The following SLC35G2 variants were observed in gnomAD, a reference collection of about 807,000 sequenced individuals.
SLC35G2 encodes the protein solute carrier family 35 member G2, also known as transmembrane protein 22.
A neutral mutation model predicts 27.2 loss-of-function variants in SLC35G2; 20 were observed. That is an observed-to-expected ratio of 0.74 (90% CI 0.52 to 1.07). The LOEUF (loss-of-function observed/expected upper bound fraction) is 1.07, where lower values mean the gene tolerates loss of function less well. SLC35G2 is among the 50% of genes least tolerant of loss of function. The pLI is 0.00. For missense variants in SLC35G2, 416 were observed against 493.3 expected (o/e 0.84, Z 1.48); for synonymous variants, 148 against 165.3 (o/e 0.90, Z 0.80).
chr3:136,829,793 T>C (rs1424062704), intron 1 of SLC35G2, among the ~76,000 whole-genome samples: 1 of 152,128 alleles, frequency 6.6e-6, no homozygotes, highest in African/African-American at 2.4e-5. Flanking sequence ...GGCAGACATA[T>C]GGGAGCTCCA....
chr3:136,833,222 G>C (rs1936777811), intron 1 of SLC35G2, among the ~76,000 whole-genome samples: 1 of 152,126 alleles, frequency 6.6e-6, no homozygotes, highest in South Asian at 2.1e-4. Context: ...GTAGGGAATA[G>C]TAGTTCACGT....
intron 1 of SLC35G2, among the ~76,000 whole-genome samples, chr3:136,822,093 A>G (rs1936472055): frequency 6.6e-6 from 1 of 152,142 alleles, no homozygotes; most frequent in Non-Finnish European, 1.5e-5. Context: ...TTGAGCATTT[A>G]TCCTTTGTTT....
At chr3:136,844,431 G>A (rs1160133173) in intron 1 of SLC35G2, among the ~76,000 whole-genome samples, 4 of 151,436 alleles carry the variant, frequency 2.6e-5, no homozygotes, top group Admixed American at 2.0e-4. Context: ...AGAGGTTGCA[G>A]TGAGCTGAGA....
intron 1 of SLC35G2, among the ~76,000 whole-genome samples, chr3:136,853,597 C>CA (rs374318797): frequency 8.6e-5 from 13 of 152,040 alleles, no homozygotes; most frequent in African/African-American, 3.1e-4. Context: ...AAATAAATAA[C>CA]AAAAAGGTTT....
At chr3:136,823,744 C>T (rs537626691) in intron 1 of SLC35G2, among the ~76,000 whole-genome samples, 20 of 147,252 alleles carry the variant, frequency 1.4e-4, no homozygotes, top group East Asian at 4.0e-4. Flanking sequence ...TACAGGCGCG[C>T]GCCACCACAC....
At chr3:136,841,301 T>G (rs1455214874) in intron 1 of SLC35G2, among the ~76,000 whole-genome samples, 1 of 152,192 alleles carries the variant, frequency 6.6e-6, no homozygotes, top group Non-Finnish European at 1.5e-5. Flanking sequence ...TGTAACAAAC[T>G]TATCATTCCT....
chr3:136,831,929 ACT>A lies in SLC35G2; in HGVS notation c.-19+12304_-19+12305del, dbSNP rs376111907. 4.2e-4 allele frequency among the ~76,000 whole-genome samples: 63 copies of A among 151,500 alleles called. No homozygotes were observed. The East Asian group carries it at 9.1e-3, about 22-fold the overall frequency. On this transcript the variant is annotated intron_variant, in intron 1 of 1. Transcript: ENST00000446465. ...CTATTTAAAAAATTGCATGTAAATC[ACT>A]CTGCACAAATAATTATTCCTGTTAG...
chr3:136,841,300 C>T (rs866515412), intron 1 of SLC35G2, among the ~76,000 whole-genome samples: 8 of 152,168 alleles, frequency 5.3e-5, no homozygotes, highest in Non-Finnish European at 1.0e-4. Context: ...ATGTAACAAA[C>T]TTATCATTCC....
intron 1 of SLC35G2, 96 bp from the exon 2 acceptor site, chr3:136,854,347 T>C (rs1937847741): frequency 1.2e-6 from 1 of 810,004 alleles, no homozygotes; most frequent in Non-Finnish European, 1.9e-6. Flanking sequence ...TGTTACAGCC[T>C]CTACTTTCTA....
intron 1 of SLC35G2, chr3:136,842,316 G>A (rs1420073499): frequency 1.3e-5 from 2 of 152,208 alleles, no homozygotes; most frequent in African/African-American, 4.8e-5. Context: ...ACAAAGAGAT[G>A]TGAGTAATAG....
chr3:136,846,243 C>CCATA (rs1937372277), intron 1 of SLC35G2, among the ~76,000 whole-genome samples: 2 of 152,258 alleles, frequency 1.3e-5, no homozygotes, highest in South Asian at 4.1e-4. Context: ...CTTTTCTCAG[C>CCATA]CATAGGAATG....
chr3:136,823,285 C>T (rs888587548), intron 1 of SLC35G2, among the ~76,000 whole-genome samples: 1 of 152,052 alleles, frequency 6.6e-6, no homozygotes, highest in Non-Finnish European at 1.5e-5. Context: ...AGTTATTTGC[C>T]ATTCCTTATG....
rs540684643 is a variant in SLC35G2 at position 136,844,677 on chromosome 3, G to A, written c.-18-9766G>A. On this transcript the variant is annotated intron_variant, in intron 1 of 1. Coordinates refer to ENST00000446465, the MANE Select transcript of SLC35G2 (RefSeq NM_025246.3). Reference sequence around the variant, plus strand: ...TAGCTGGGCATGGTGGCTAACACCTGTAGTCCCAGCTACTCGTGAGGCTGA... The same window carrying A: ...TAGCTGGGCATGGTGGCTAACACCTATAGTCCCAGCTACTCGTGAGGCTGA... 2.0e-5 allele frequency among the ~76,000 whole-genome samples: 3 copies of A among 150,664 alleles called. No homozygotes were observed. In the East Asian group the frequency reaches 5.9e-4, roughly 30 times the overall value.
intron 1 of SLC35G2, among the ~76,000 whole-genome samples, chr3:136,844,483 C>T (rs1265454548): frequency 4.0e-5 from 5 of 125,238 alleles, no homozygotes; most frequent in East Asian, 2.3e-4. Context: ...AGCGAGACTC[C>T]GTCTCAAAAA....
rs547959331 is a variant in SLC35G2 at position 136,822,819 on chromosome 3, C to T, written c.-19+3191C>T. 4.6e-5 allele frequency among the ~76,000 whole-genome samples: 7 copies of T among 152,332 alleles called. No individual in the cohort carries two copies. In the East Asian group the frequency reaches 1.3e-3, roughly 29 times the overall value. ...TTGTATGTAAATATCTGTTGATGGA[C>T]ACTTACGTTGCTTCCAGATCTTGGC... On this transcript the variant is annotated intron_variant, in intron 1 of 1. Transcript: ENST00000446465.
chr3:136,839,713 A>G (rs963000136), intron 1 of SLC35G2, among the ~76,000 whole-genome samples: 3 of 152,160 alleles, frequency 2.0e-5, no homozygotes, highest in African/African-American at 7.2e-5. Flanking sequence ...TTTCCCTCCC[A>G]GAGCCAGCTG....
At chr3:136,827,426 CTGGTCT>C (rs1253900760) in intron 1 of SLC35G2, among the ~76,000 whole-genome samples, 1 of 152,134 alleles carries the variant, frequency 6.6e-6, no homozygotes, top group African/African-American at 2.4e-5. Context: ...GTTGCCAAGG[CTGGTCT>C]CAAATTACTG....
intron 1 of SLC35G2, among the ~76,000 whole-genome samples, chr3:136,824,221 T>A (rs949755155): frequency 6.6e-6 from 1 of 152,208 alleles, no homozygotes; most frequent in South Asian, 2.1e-4. Flanking sequence ...TGTGGTTCCA[T>A]ATAAATTTTA....
rs1310068469 is a variant in SLC35G2 at position 136,855,715 on chromosome 3, T to C, written c.*16T>C. 6.5e-7 allele frequency: 1 copy of C among 1,545,086 alleles called. No individual in the cohort carries two copies. The highest frequency in any genetic ancestry group is 2.3e-5 in the East Asian group (1 of 43,242). On this transcript the variant is annotated 3_prime_UTR_variant, in exon 2 of 2. Transcript: ENST00000446465. Reference sequence around the variant, plus strand: ...CATTAAATGAATACCTGATTATTATTGTCTCATTAATGTTCAGTTATTATG... The same window carrying C: ...CATTAAATGAATACCTGATTATTATCGTCTCATTAATGTTCAGTTATTATG...
Sources: allele counts gnomAD v4.1 joint callset (sites outside exome capture counted in the v4.1 genomes callset), GRCh38; gene constraint gnomAD v4.1.1; transcripts MANE v1.5; gene names NCBI Gene and HGNC (gene_info 2026-07-23, HGNC 2026-07-21).